LYPD8: variants seen among roughly 807,000 people sequenced by gnomAD.
LYPD8 encodes the protein LY6/PLAUR domain containing 8.
A neutral mutation model predicts 1.7 loss-of-function variants in LYPD8; 8 were observed. The observed-to-expected ratio is 4.58, with a 90% CI of 2.69 to 8.27. LYPD8 has a LOEUF of 8.27. LYPD8 is among the 30% of genes most tolerant of loss of function. The pLI is 0.00. For synonymous variants in LYPD8, 50 were observed against 43.6 expected, an observed-to-expected ratio of 1.15 and a Z score of -0.58; for missense variants, 112 against 102.3, an observed-to-expected ratio of 1.09 and a Z score of -0.41.
At chr1:248,752,055 A>T (rs1662809476) in intron 2 of LYPD8, among the ~76,000 whole-genome samples, 1 of 152,010 alleles carries the variant, frequency 6.6e-6, no homozygotes, top group African/African-American at 2.4e-5. Flanking sequence ...AGCCCTTCTT[A>T]ATCATTATCT....
chr1:248,752,653 CACACACCACA>C (rs1662822234), intron 2 of LYPD8, among the ~76,000 whole-genome samples: 3 of 21,190 alleles, frequency 1.4e-4, no homozygotes, highest in African/African-American at 2.2e-4. Flanking sequence ...CAACACACAA[CACACACCACA>C]CACACCACAC....
At chr1:248,743,411 G>A (rs1553283752) in intron 6 of LYPD8, among the ~76,000 whole-genome samples, 1 of 151,646 alleles carries the variant, frequency 6.6e-6, no homozygotes. Context: ...GTTGCAGTGA[G>A]CTGAGATCGC....
In LYPD8 at chr1:248,751,091, G is replaced by A. The variant is rs1235625739; in HGVS notation, c.-10C>T. 2 of 398,652 alleles carry A rather than the reference G, an allele frequency of 5.0e-6. No homozygotes were observed. Among genetic ancestry groups the A allele is most frequent in the Non-Finnish European group, 8.8e-6 (2 of 226,066 alleles). 24.7% of individuals were successfully genotyped at this position (398,652 alleles called of 1,614,324 possible). Reference sequence around the variant, plus strand: ...CGAGGATGCCCTTCATGGTGCTGGAGCTGACTTCTCCCAAGGATGGGGACC... The same window carrying A: ...CGAGGATGCCCTTCATGGTGCTGGAACTGACTTCTCCCAAGGATGGGGACC... On this transcript the variant is annotated 5_prime_UTR_variant, in exon 3 of 7. Transcript: ENST00000590317.
At chr1:248,749,850 TACAC>T (rs1312476054) in intron 4 of LYPD8, among the ~76,000 whole-genome samples, 3 of 151,984 alleles carry the variant, frequency 2.0e-5, no homozygotes, top group African/African-American at 7.3e-5. Context: ...TGTACACACA[TACAC>T]ATATATGTGT....
chr1:248,750,495 GC>G, intron 4 of LYPD8, 28 bp downstream of exon 4: 1 of 398,610 alleles, frequency 2.5e-6, no homozygotes, highest in Non-Finnish European at 4.4e-6. Context: ...AGCCCCAGAG[GC>G]AGGAAGGACA....
At chr1:248,740,466 C>T (rs1662571206) in intron 6 of LYPD8, among the ~76,000 whole-genome samples, 1 of 152,234 alleles carries the variant, frequency 6.6e-6, no homozygotes, top group Non-Finnish European at 1.5e-5. Flanking sequence ...GGCATTTGGA[C>T]AAAAGACATA....
chr1:248,750,748 C>G (rs971669378), intron 3 of LYPD8, 105 bp from the exon 4 acceptor site: 1 of 398,040 alleles, frequency 2.5e-6, no homozygotes, highest in Non-Finnish European at 4.4e-6. Flanking sequence ...AAAAGACAGA[C>G]GGGATGGCAT....
chr1:248,752,651 AACACACACCAC>A (rs1434205902), intron 2 of LYPD8, among the ~76,000 whole-genome samples: 77 of 100,002 alleles, frequency 7.7e-4, no homozygotes, highest in African/African-American at 2.7e-3. Context: ...CACAACACAC[AACACACACCAC>A]ACACACCACA....
intron 2 of LYPD8, among the ~76,000 whole-genome samples, chr1:248,754,109 A>G (rs1344100832): frequency 7.3e-6 from 1 of 136,886 alleles, no homozygotes; most frequent in Non-Finnish European, 1.6e-5. Flanking sequence ...ATACCACACC[A>G]CACACCACAC....
chr1:248,741,576 G>C (rs1662599956), intron 6 of LYPD8, among the ~76,000 whole-genome samples: 1 of 152,158 alleles, frequency 6.6e-6, no homozygotes, highest in Non-Finnish European at 1.5e-5. Context: ...TAAAAAAAGT[G>C]ATCTTGAACA....
chr1:248,745,916 CTCTCTT>C (rs2103169576), intron 5 of LYPD8, among the ~76,000 whole-genome samples: 1 of 152,334 alleles, frequency 6.6e-6, no homozygotes, highest in East Asian at 1.9e-4. Flanking sequence ...ACTTATTTCA[CTCTCTT>C]TCTCTTGTGA....
chr1:248,753,643 T>C (rs1245597843), intron 2 of LYPD8, among the ~76,000 whole-genome samples: 32 of 55,268 alleles, frequency 5.8e-4, no homozygotes, highest in African/African-American at 2.2e-3. Flanking sequence ...ACACCACACA[T>C]ATACATCACA....
In LYPD8 at chr1:248,750,658, C is replaced by T; in HGVS notation, c.53-15G>A. On this transcript the variant is annotated splice_polypyrimidine_tract_variant and intron_variant, in intron 3 of 6. Transcript: ENST00000590317. ...GCTCAGAGATTCTGAGGAGACAAGA[C>T]ATCCAACACCAGTCAACATTCAGTA... 1 of 398,582 alleles carries T rather than the reference C, an allele frequency of 2.5e-6. No individual in the cohort carries two copies. The highest frequency in any genetic ancestry group is 3.6e-5 in the East Asian group (1 of 28,066). The allele number at this position is 398,582 out of a possible 1,614,324, so 24.7% of individuals were successfully genotyped here. A position where few individuals can be genotyped will look rare whatever the true frequency, so the allele number is the denominator to read the frequency against.
intron 2 of LYPD8, among the ~76,000 whole-genome samples, chr1:248,753,053 A>G (rs1662846342): frequency 1.2e-5 from 1 of 86,578 alleles, no homozygotes; most frequent in Non-Finnish European, 2.1e-5. Flanking sequence ...CACATCACAC[A>G]CACACCCCAC....
At chr1:248,753,620 C>A (rs1156340201) in intron 2 of LYPD8, among the ~76,000 whole-genome samples, 2 of 140,892 alleles carry the variant, frequency 1.4e-5, no homozygotes, top group East Asian at 2.3e-4. Flanking sequence ...ACACCCCACA[C>A]AACACACACA....
At position 248,739,513 on chromosome 1, in the gene LYPD8, G is replaced by A. The variant is rs923923886; in HGVS notation, c.*98C>T. On this transcript the variant is annotated 3_prime_UTR_variant, in exon 7 of 7. Transcript: ENST00000590317. This position sits in a 1 kb window ranked among gnomAD's most constrained non-coding sequence, Gnocchi z 4.3. ...ACTCCCACTTACTGGGCAGTTAAAC[G>A]GGGCAGAGCAGGGAAAGAGGGTGTC... The A allele has an allele frequency of 1.1e-5, 16 of 1,495,972 alleles. No homozygotes were observed. The highest frequency in any genetic ancestry group is 1.3e-5 in the South Asian group (1 of 79,308). The allele number at this position is 1,495,972 out of a possible 1,614,324, so 92.7% of individuals were successfully genotyped here. A position where few individuals can be genotyped will look rare whatever the true frequency, so the allele number is the denominator to read the frequency against.
chr1:248,752,833 C>T (rs1415759966), intron 2 of LYPD8, among the ~76,000 whole-genome samples: 1 of 114,636 alleles, frequency 8.7e-6, no homozygotes, highest in Non-Finnish European at 1.8e-5. Context: ...TCACACACAC[C>T]ACACCCCACA....
chr1:248,742,927 T>C (rs1308880481), intron 6 of LYPD8, among the ~76,000 whole-genome samples: 22 of 106,700 alleles, frequency 2.1e-4, no homozygotes, highest in Admixed American at 5.0e-4. Flanking sequence ...GGGGAGATTA[T>C]GCTCTGGTGG....
intron 6 of LYPD8, among the ~76,000 whole-genome samples, chr1:248,740,534 A>G (rs1194656244): frequency 6.6e-6 from 1 of 152,246 alleles, no homozygotes; most frequent in Non-Finnish European, 1.5e-5. Context: ...TTGCTCTGTC[A>G]GCTGCAATTC....
Sources: gnomAD v4.1 joint callset for allele counts (sites outside exome capture counted in the v4.1 genomes callset) on GRCh38, gnomAD v4.1.1 for gene constraint, Gnocchi (gnomAD v3.1) non-coding constraint, MANE v1.5 for transcripts, NCBI Gene and HGNC (gene_info 2026-07-23, HGNC 2026-07-21) for gene names.